The following ATP2C1 variants were observed in gnomAD, a reference collection of about 807,000 sequenced individuals.
ATP2C1 encodes the protein calcium-transporting ATPase type 2C member 1.
ATP2C1 carries 31 observed loss-of-function variants against 120.5 expected under a neutral mutation model. The observed-to-expected ratio is 0.26, with a 90% CI of 0.19 to 0.35. The LOEUF (loss-of-function observed/expected upper bound fraction) is 0.35, where lower values mean the gene tolerates loss of function less well. Ranked by LOEUF, ATP2C1 falls within the 10% of genes least tolerant of loss-of-function variation. ATP2C1 has a pLI of 1.00. For synonymous variants in ATP2C1, 351 were observed against 358.7 expected (o/e 0.98, Z 0.24); for missense variants, 731 against 1,107.5 (o/e 0.66, Z 4.83).
chr3:130,888,426 G>C (rs900120713), intron 1 of ATP2C1, among the ~76,000 whole-genome samples: 1 of 152,154 alleles, frequency 6.6e-6, no homozygotes, highest in Admixed American at 6.5e-5. Context: ...CTGTGTCCTA[G>C]ACAGACTTTC....
chr3:130,894,705 C>T lies in ATP2C1; in HGVS notation c.-65C>T, dbSNP rs2069431955. On this transcript the variant is annotated 5_prime_UTR_variant, in exon 2 of 28. Transcript: ENST00000510168. This position sits in a 1 kb window ranked among gnomAD's most constrained non-coding sequence, Gnocchi z 4.5. ...GTCCTCCTCCTCTCCTCTCTATTCC[C>T]AGTGTGGCCGTGGCTGACACTAAAG... is the stretch of plus-strand genomic sequence containing the variant. 16 of 1,614,104 alleles carry T rather than the reference C, an allele frequency of 9.9e-6. No individual in the cohort carries two copies. The highest frequency in any genetic ancestry group is 1.4e-5 in the Non-Finnish European group (16 of 1,180,004).
At chr3:130,948,846 T>C (rs1043525121) in intron 8 of ATP2C1, among the ~76,000 whole-genome samples, 9 of 152,196 alleles carry the variant, frequency 5.9e-5, no homozygotes, top group Admixed American at 2.0e-4. Context: ...TTCAATATTA[T>C]GTCTATTATG....
chr3:130,862,432 C>T (rs112784211), intron 1 of ATP2C1, among the ~76,000 whole-genome samples: 53 of 151,714 alleles, frequency 3.5e-4, no homozygotes, highest in African/African-American at 1.0e-3. Context: ...CTGCCTGCCT[C>T]GGCCTCCCAA....
At chr3:130,979,530 C>A in intron 19 of ATP2C1, 111 bp downstream of exon 19, 46 of 1,147,544 alleles carry the variant, frequency 4.0e-5, no homozygotes, top group East Asian at 1.1e-4. Context: ...TGAGATTATG[C>A]AATTGAAATC....
In ATP2C1 at chr3:130,956,137, C is replaced by T; in HGVS notation, c.790C>T (p.Leu264Phe). 1 of 1,610,794 alleles carries T rather than the reference C, an allele frequency of 6.2e-7. No homozygotes were observed. Among genetic ancestry groups the T allele is most frequent in the Non-Finnish European group, 8.5e-7 (1 of 1,177,340 alleles). Residue 264 changes from leucine to phenylalanine, a missense_variant, in exon 11 of 28, where the codon CTC becomes TTC. By Grantham distance (22) the Leu-to-Phe change is conservative (BLOSUM62 0). Coordinates refer to ENST00000510168, the MANE Select transcript of ATP2C1 (RefSeq NM_001378687.1). ...AACCCCTCTGCAGAAGAGCATGGACCTCTTAGGAAAACAACTTTCCTTTTA... is the reference window on the plus strand; with the variant it reads ...AACCCCTCTGCAGAAGAGCATGGACTTCTTAGGAAAACAACTTTCCTTTTA... ...PKTPLQKSMD[L>F]LGKQLSFYSF...
chr3:130,967,995 G>T (rs985262210), intron 16 of ATP2C1, among the ~76,000 whole-genome samples: 1 of 152,114 alleles, frequency 6.6e-6, no homozygotes, highest in African/African-American at 2.4e-5. Context: ...AGTCCAGCCT[G>T]TCACTCATAA....
intron 8 of ATP2C1, among the ~76,000 whole-genome samples, chr3:130,953,136 T>G (rs1003946447): frequency 1.6e-4 from 25 of 152,266 alleles, no homozygotes; most frequent in African/African-American, 6.0e-4. Flanking sequence ...TATGTGTGTA[T>G]GTATCTATAC....
chr3:130,944,896 G>T (rs1301053501), intron 8 of ATP2C1, among the ~76,000 whole-genome samples: 1 of 151,982 alleles, frequency 6.6e-6, no homozygotes, highest in Non-Finnish European at 1.5e-5. Flanking sequence ...TATAACCTCT[G>T]CACATTTTTC....
intron 2 of ATP2C1, chr3:130,928,092 T>C (rs1483730541): frequency 6.6e-6 from 1 of 152,350 alleles, no homozygotes; most frequent in African/African-American, 2.4e-5. Context: ...TTATCACTCT[T>C]CATCTCCTTG....
chr3:130,985,175 GTGAAGTCAGATTTGCAAAACA>G (rs1159542760), intron 20 of ATP2C1, among the ~76,000 whole-genome samples: 1 of 152,170 alleles, frequency 6.6e-6, no homozygotes, highest in Non-Finnish European at 1.5e-5. Context: ...ATGCACTTTC[GTGAAGTCAGATTTGCAAAACA>G]TGCATAAAAC....
upstream of ATP2C1, among the ~76,000 whole-genome samples, chr3:130,890,021 G>C (rs2069119170): frequency 6.6e-6 from 1 of 152,052 alleles, no homozygotes; most frequent in Non-Finnish European, 1.5e-5. Flanking sequence ...TTTGATCATA[G>C]GAAACAAGTA....
chr3:130,987,935 T>C (rs2062101506), intron 20 of ATP2C1, among the ~76,000 whole-genome samples: 1 of 152,228 alleles, frequency 6.6e-6, no homozygotes, highest in Admixed American at 6.5e-5. Context: ...GTGTTTTCCA[T>C]TTATGACTTT....
intron 3 of ATP2C1, 73 bp downstream of exon 3, chr3:130,930,599 T>A: frequency 1.0e-6 from 1 of 974,214 alleles, no homozygotes; most frequent in Non-Finnish European, 1.7e-6. Context: ...AACAGTGCTG[T>A]CTAATTTACT....
intron 1 of ATP2C1, among the ~76,000 whole-genome samples, chr3:130,865,127 C>A (rs547427552): frequency 2.0e-5 from 3 of 152,186 alleles, no homozygotes; most frequent in African/African-American, 2.4e-5. Context: ...CATGGGCACC[C>A]AATCTTGCAT....
intron 1 of ATP2C1, among the ~76,000 whole-genome samples, chr3:130,879,166 A>C (rs1175631431): frequency 1.3e-5 from 2 of 152,162 alleles, no homozygotes; most frequent in East Asian, 3.9e-4. Flanking sequence ...AGTTCAAGCA[A>C]TTCTCCTTCC....
At chr3:130,857,222 G>A (rs886979602) in intron 1 of ATP2C1, among the ~76,000 whole-genome samples, 2 of 152,174 alleles carry the variant, frequency 1.3e-5, no homozygotes, top group African/African-American at 4.8e-5. Context: ...GCTACCAATG[G>A]TTTTTCACAT....
At chr3:130,962,052 A>G (rs1443473853) in intron 12 of ATP2C1, among the ~76,000 whole-genome samples, 1 of 152,078 alleles carries the variant, frequency 6.6e-6, no homozygotes, top group Non-Finnish European at 1.5e-5. Flanking sequence ...AGTTTTCAGC[A>G]AGAATCTGGA....
intron 26 of ATP2C1, among the ~76,000 whole-genome samples, chr3:131,014,765 T>C (rs571066898): frequency 6.6e-6 from 1 of 152,310 alleles, no homozygotes; most frequent in East Asian, 1.9e-4. Flanking sequence ...TTGGCATCAT[T>C]TGCAAGGTCA....
At chr3:130,857,083 CT>C (rs1281137687) in intron 1 of ATP2C1, among the ~76,000 whole-genome samples, 1 of 152,082 alleles carries the variant, frequency 6.6e-6, no homozygotes, top group Non-Finnish European at 1.5e-5. Flanking sequence ...TGAAGTTGAA[CT>C]TTAATATTTC....
Sources: gnomAD v4.1 joint callset for allele counts (sites outside exome capture counted in the v4.1 genomes callset) on GRCh38, gnomAD v4.1.1 for gene constraint, Gnocchi (gnomAD v3.1) non-coding constraint, MANE v1.5 for transcripts, NCBI Gene and HGNC (gene_info 2026-07-23, HGNC 2026-07-21) for gene names.